Variants in AIPL1 observed in about 807,000 individuals in gnomAD.
The protein encoded by AIPL1 is AIP like 1 HSP90 co-chaperone, also known as aryl-hydrocarbon-interacting protein-like 1.
AIPL1 carries 23 observed loss-of-function variants against 32.9 expected under a neutral mutation model. That is an observed-to-expected ratio of 0.70 (90% CI 0.50 to 0.99). The LOEUF is 0.99. Ranked by LOEUF, AIPL1 falls within the 50% of genes least tolerant of loss-of-function variation. The pLI is 0.00. For synonymous variants in AIPL1, 210 were observed against 209.4 expected (o/e 1.00, Z -0.02); for missense variants, 485 against 506.0 (o/e 0.96, Z 0.40).
chr17:6,430,478 A>AAAAAC (rs1912496305), intron 2 of AIPL1, among the ~76,000 whole-genome samples: 1 of 151,242 alleles, frequency 6.6e-6, no homozygotes, highest in Admixed American at 6.6e-5. Context: ...AAAAAAAAAA[A>AAAAAC]AACAGTTACC....
chr17:6,426,241 C>T (rs1235831005), intron 5 of AIPL1: 3 of 1,279,880 alleles, frequency 2.3e-6, no homozygotes, highest in East Asian at 3.7e-5. Context: ...ACGATTCGAG[C>T]ATTAAGTCAA....
chr17:6,425,437 G>A lies in AIPL1; in HGVS notation c.*23C>T, dbSNP rs369568105. On this transcript the variant is annotated 3_prime_UTR_variant, in exon 6 of 6. Coordinates refer to ENST00000381129, the MANE Select transcript of AIPL1 (RefSeq NM_014336.5). ...GACCAGGCCACTTGCTCCCTGCCTGGGTGGCTGTGGGCCTCAGGGGGCTCA... is the reference window on the plus strand; with the variant it reads ...GACCAGGCCACTTGCTCCCTGCCTGAGTGGCTGTGGGCCTCAGGGGGCTCA... 3 of 1,569,448 alleles carry A rather than the reference G, an allele frequency of 1.9e-6. No individual in the cohort carries two copies. The Admixed American group carries it at 5.1e-5, about 27-fold the overall frequency.
chr17:6,430,959 A>C (rs930816668), intron 2 of AIPL1, among the ~76,000 whole-genome samples: 5 of 151,644 alleles, frequency 3.3e-5, no homozygotes, highest in Non-Finnish European at 4.4e-5. Flanking sequence ...TAACATGTTG[A>C]GTGGGATCAC....
In AIPL1 at chr17:6,428,489, G is replaced by A. The variant is rs780134658; in HGVS notation, c.294C>T (p.Pro98=). The change falls in exon 3 of 6, where the codon CCC becomes CCT. Residue 98 remains proline, a synonymous_variant. Transcript: ENST00000381129. ...TCTGCCTCAGGCTCCGGGATAGGATGGGGTAGACCCCCGTGTGCTGTGGGG... is the reference window on the plus strand; with the variant it reads ...TCTGCCTCAGGCTCCGGGATAGGATAGGGTAGACCCCCGTGTGCTGTGGGG... ...WCDTIHTGVY[P]ILSRSLRQMA... The A allele has an allele frequency of 3.1e-6, 5 of 1,613,876 alleles. No homozygotes were observed. In the Admixed American group the frequency reaches 8.3e-5, roughly 27 times the overall value.
In AIPL1 at chr17:6,431,179, C is replaced by T. The variant is rs144297909; in HGVS notation, c.277-2673G>A. Among the ~76,000 whole-genome samples, 871 of 152,216 alleles carry T rather than the reference C, an allele frequency of 5.7e-3. 3 individuals are homozygous for T. Among genetic ancestry groups the T allele is most frequent in the Non-Finnish European group, 1.0e-2 (680 of 68,014 alleles). ...ATTTTTTCTAGGCTGGACATGGTGG[C>T]TCACGCCTGTAATCCCAACACTTTG... On this transcript the variant is annotated intron_variant, in intron 2 of 5. Transcript: ENST00000381129.
At chr17:6,429,406 G>A (rs574886838) in intron 2 of AIPL1, among the ~76,000 whole-genome samples, 7 of 152,296 alleles carry the variant, frequency 4.6e-5, no homozygotes, top group South Asian at 4.1e-4. Context: ...CACCCTGCCC[G>A]CCCCACCGGC....
Position 6,425,710 on chromosome 17 carries a change from C to A in AIPL1, c.905G>T (p.Arg302Leu), listed in dbSNP as rs62637015. The change falls in exon 6 of 6, where the codon CGC (arginine) becomes CTC (leucine). Residue 302 changes from arginine to leucine, a missense_variant. Coordinates refer to ENST00000381129, the MANE Select transcript of AIPL1 (RefSeq NM_014336.5). The stretch of plus-strand genomic sequence containing the variant: ...GTTCTCCAGCAGCCTCAGCTCCCTG[C>A]GCACCGCCTTCTGCATGGACGGCTC... ...ELEPSMQKAV[R>L]RELRLLENRM... 1.6e-3 allele frequency: 2,496 copies of A among 1,608,168 alleles called. 11 individuals are homozygous for A. The highest frequency in any genetic ancestry group is 9.3e-3 in the South Asian group (848 of 91,080).
At chr17:6,434,319 G>C (rs1912947372) in intron 1 of AIPL1, among the ~76,000 whole-genome samples, 1 of 148,416 alleles carries the variant, frequency 6.7e-6, no homozygotes, top group Admixed American at 6.7e-5. Flanking sequence ...CCACAGCCCT[G>C]TGCGTCCAGA....
chr17:6,426,423 G>A (rs866145105), intron 5 of AIPL1, 192 bp downstream of exon 5: 2 of 1,444,128 alleles, frequency 1.4e-6, no homozygotes, highest in Non-Finnish European at 1.8e-6. Flanking sequence ...TAAAATAAAG[G>A]GCCGCCCCGC....
rs141947237 is a variant in AIPL1, at chr17:6,433,967, A to G, written c.228T>C (p.Leu76=). 3.3e-4 allele frequency: 525 copies of G among 1,613,882 alleles called. 2 individuals carry two copies. In the African/African-American group the frequency reaches 6.4e-3, roughly 20 times the overall value. The part of the protein sequence containing the change: ...MFKLEVWEIL[L]TSMRVHEVAE... Reference sequence around the variant, plus strand: ...CCACCTCGTGCACCCGCATGGAGGTAAGCAGGATCTCCCAGACCTCGAGCT... The same window carrying G: ...CCACCTCGTGCACCCGCATGGAGGTGAGCAGGATCTCCCAGACCTCGAGCT... Residue 76 remains leucine, a synonymous_variant, in exon 2 of 6, where the codon CTT becomes CTC. Coordinates refer to ENST00000381129, the MANE Select transcript of AIPL1 (RefSeq NM_014336.5).
intron 5 of AIPL1, chr17:6,426,136 G>C: frequency 2.3e-6 from 3 of 1,307,830 alleles, no homozygotes; most frequent in Non-Finnish European, 2.9e-6. Flanking sequence ...CCCTCATATG[G>C]TGATTATGAG....
At chr17:6,434,311 A>ACAG (rs1912946515) in intron 1 of AIPL1, among the ~76,000 whole-genome samples, 1 of 138,594 alleles carries the variant, frequency 7.2e-6, no homozygotes, top group Admixed American at 7.2e-5. Context: ...TCCACTCCCC[A>ACAG]CAGCCCTGTG....
chr17:6,425,239 C>T lies in AIPL1; in HGVS notation c.*221G>A, dbSNP rs112307858. ...AACAGGGTCAATTAAAACCATGGCA[C>T]GGAAGGAATGAGAGGGGTAGAGGAG... On this transcript the variant is annotated 3_prime_UTR_variant, in exon 6 of 6. Transcript: ENST00000381129. The T allele has an allele frequency of 1.6e-3, 756 of 479,164 alleles. 1 individual carries two copies. Among genetic ancestry groups the T allele is most frequent in the African/African-American group, 8.7e-3 (441 of 50,614 alleles). 29.7% of individuals were successfully genotyped at this position (479,164 alleles called of 1,614,324 possible). A position where few individuals can be genotyped will look rare whatever the true frequency, so the allele number is the denominator to read the frequency against.
At chr17:6,426,427 G>A (rs771762603) in intron 5 of AIPL1, 188 bp downstream of exon 5, 1 of 1,453,424 alleles carries the variant, frequency 6.9e-7, no homozygotes, top group African/African-American at 1.4e-5. Context: ...ATAAAGGGCC[G>A]CCCCGCGCCA....
intron 5 of AIPL1, chr17:6,426,376 C>G (rs1358063107): frequency 7.7e-6 from 11 of 1,422,434 alleles, no homozygotes; most frequent in South Asian, 3.0e-5. Context: ...AAATCACAAG[C>G]TTGGCGAGCT....
rs540875983 is a variant in AIPL1 at position 6,426,627 on chromosome 17, G to C, written c.772C>G (p.Arg258Gly). The C allele has an allele frequency of 2.5e-6, 4 of 1,613,890 alleles. No individual in the cohort carries two copies. The highest frequency in any genetic ancestry group is 3.4e-6 in the Non-Finnish European group (4 of 1,180,010). ...CAGCCCCGCGCACCTGGGTGGTGCCGGAGAATATCACTGGTGTGCTCCAGC... is the reference window on the plus strand; with the variant it reads ...CAGCCCCGCGCACCTGGGTGGTGCCCGAGAATATCACTGGTGTGCTCCAGC... Reference protein sequence around the residue: ...EVLEHTSDILRHHPGIVKAYY... With the variant: ...EVLEHTSDILGHHPGIVKAYY... Residue 258 changes from arginine (R) to glycine (G), a missense_variant, in exon 5 of 6, where the codon CGG (arginine) becomes GGG (glycine). Arg to Gly is a moderately radical substitution (Grantham distance 125, BLOSUM62 -2). Transcript: ENST00000381129.
intron 5 of AIPL1, chr17:6,426,128 C>T: frequency 7.5e-7 from 1 of 1,334,998 alleles, no homozygotes; most frequent in Non-Finnish European, 9.6e-7. Flanking sequence ...CTGCACCTCC[C>T]TCATATGGTG....
chr17:6,434,116 G>T lies in AIPL1; in HGVS notation c.97-18C>A. On this transcript the variant is annotated intron_variant, in intron 1 of 5. Transcript: ENST00000381129. ...AAGATCACCTAGTCACCGAGACGGT[G>T]CACTCTGCTCTAGACACACTGTTCA... 2 of 1,610,570 alleles carry T rather than the reference G, an allele frequency of 1.2e-6. No homozygotes were observed. Among genetic ancestry groups the T allele is most frequent in the South Asian group, 2.2e-5 (2 of 90,754 alleles).
In AIPL1 at chr17:6,425,472, C is replaced by A. The variant is rs756123820; in HGVS notation, c.1143G>T (p.Ser381=). The A allele has an allele frequency of 8.1e-6, 13 of 1,598,230 alleles. No individual in the cohort carries two copies. In the South Asian group the frequency reaches 1.2e-4, roughly 15 times the overall value. Reference sequence around the variant, plus strand: ...GGCCTCAGGGGGCTCAGTGCTGCAGCGAGTGCCCTGGGGACGGGGGTGGCT... The same window carrying A: ...GGCCTCAGGGGGCTCAGTGCTGCAGAGAGTGCCCTGGGGACGGGGGTGGCT... The part of the protein sequence containing the change: ...ATEPPPSPGH[S]LQH The change falls in exon 6 of 6, where the codon TCG becomes TCT. Residue 381 remains serine, a synonymous_variant. Transcript: ENST00000381129.
Sources: allele counts gnomAD v4.1 joint callset (sites outside exome capture counted in the v4.1 genomes callset), GRCh38; gene constraint gnomAD v4.1.1; transcripts MANE v1.5; gene names NCBI Gene and HGNC (gene_info 2026-07-23, HGNC 2026-07-21).